Variants in ERBB4 observed in about 807,000 individuals in gnomAD.
ERBB4 encodes the protein erb-b2 receptor tyrosine kinase 4.
In ERBB4, 42 loss-of-function variants were observed where a neutral mutation model predicts 158.0. That is an observed-to-expected ratio of 0.27 (90% CI 0.21 to 0.34). The LOEUF (loss-of-function observed/expected upper bound fraction) is 0.34. Ranked by LOEUF, ERBB4 falls within the 10% of genes least tolerant of loss-of-function variation. The pLI is 1.00. For missense variants in ERBB4, 1,333 were observed against 1,624.1 expected, an observed-to-expected ratio of 0.82 and a Z score of 3.08; for synonymous variants, 583 against 558.7, an observed-to-expected ratio of 1.04 and a Z score of -0.61.
intron 19 of ERBB4, among the ~76,000 whole-genome samples, chr2:211,592,033 T>C (rs1316752889): frequency 3.3e-5 from 5 of 152,210 alleles, no homozygotes; most frequent in Non-Finnish European, 5.9e-5. Flanking sequence ...GATTTTCTTT[T>C]ATACTTTGGT....
At chr2:212,269,247 G>A (rs910209614) in intron 1 of ERBB4, among the ~76,000 whole-genome samples, 16 of 151,780 alleles carry the variant, frequency 1.1e-4, no homozygotes, top group African/African-American at 3.6e-4. Flanking sequence ...CTGACTACAC[G>A]TCCACCTTAA....
intron 2 of ERBB4, among the ~76,000 whole-genome samples, chr2:212,008,533 G>T (rs1199284951): frequency 6.6e-6 from 1 of 152,046 alleles, no homozygotes; most frequent in Non-Finnish European, 1.5e-5. Context: ...AATTTTGAAA[G>T]CGCTGCACAT....
At chr2:212,412,568 G>A (rs1173178655) in intron 1 of ERBB4, among the ~76,000 whole-genome samples, 1 of 152,186 alleles carries the variant, frequency 6.6e-6, no homozygotes, top group Non-Finnish European at 1.5e-5. Flanking sequence ...CTGCAGAACT[G>A]TGAACCAATT....
chr2:211,652,299 T>C (rs1197084774), intron 16 of ERBB4, among the ~76,000 whole-genome samples: 2 of 152,224 alleles, frequency 1.3e-5, no homozygotes, highest in African/African-American at 4.8e-5. Context: ...AAACTCTCTT[T>C]AATTCCAAAG....
intron 20 of ERBB4, among the ~76,000 whole-genome samples, chr2:211,553,175 G>A (rs887482066): frequency 6.6e-6 from 1 of 151,876 alleles, no homozygotes; most frequent in African/African-American, 2.4e-5. Context: ...CACCGTGTTG[G>A]CCAGGCTGGT....
At chr2:212,237,206 C>T (rs1235963003) in intron 1 of ERBB4, among the ~76,000 whole-genome samples, 3 of 152,256 alleles carry the variant, frequency 2.0e-5, no homozygotes, top group East Asian at 3.9e-4. Flanking sequence ...TCCTCATCTT[C>T]GTGGATTTAT....
chr2:212,461,295 G>T (rs1401554275), intron 1 of ERBB4, among the ~76,000 whole-genome samples: 1 of 152,166 alleles, frequency 6.6e-6, no homozygotes, highest in African/African-American at 2.4e-5. Flanking sequence ...CAGGAAGGAG[G>T]CTGTACCCTG....
chr2:211,624,033 T>C lies in ERBB4; in HGVS notation c.2091A>G (p.Pro697=), dbSNP rs1240736385. The C allele has an allele frequency of 2.5e-6, 4 of 1,614,142 alleles. No individual in the cohort carries two copies. Among genetic ancestry groups the C allele is most frequent in the Admixed American group, 1.7e-5 (1 of 60,018 alleles). ...RRFLETELVE[P]LTPSGTAPNQ... Reference sequence around the variant, plus strand: ...TGGGTGCTGTGCCACTGGGAGTTAATGGTTCCACCAACTGCAAAGCGGAAA... The same window carrying C: ...TGGGTGCTGTGCCACTGGGAGTTAACGGTTCCACCAACTGCAAAGCGGAAA... The change falls in exon 18 of 28, where the codon CCA becomes CCG. Residue 697 remains proline (P), a synonymous_variant. Coordinates refer to ENST00000342788, the MANE Select transcript of ERBB4 (RefSeq NM_005235.3).
At chr2:211,991,339 C>T (rs927429025) in intron 2 of ERBB4, among the ~76,000 whole-genome samples, 12 of 152,022 alleles carry the variant, frequency 7.9e-5, no homozygotes, top group African/African-American at 2.9e-4. Context: ...TGTATTTGTA[C>T]TGTATTTGAC....
intron 2 of ERBB4, among the ~76,000 whole-genome samples, chr2:211,990,789 G>C (rs1032804527): frequency 6.6e-6 from 1 of 151,768 alleles, no homozygotes. Flanking sequence ...AAGACAAAAC[G>C]TAAGAAGTAA....
At chr2:212,077,568 T>C (rs190750395) in intron 2 of ERBB4, among the ~76,000 whole-genome samples, 1 of 152,064 alleles carries the variant, frequency 6.6e-6, no homozygotes, top group East Asian at 1.9e-4. Context: ...ATCCAATTTA[T>C]ATAGATGTAA....
intron 1 of ERBB4, among the ~76,000 whole-genome samples, chr2:212,421,111 A>T (rs1391115035): frequency 6.6e-6 from 1 of 152,154 alleles, no homozygotes; most frequent in East Asian, 1.9e-4. Context: ...AACATAATTC[A>T]TCAACCACAT....
intron 3 of ERBB4, among the ~76,000 whole-genome samples, chr2:211,834,893 C>G (rs571198766): frequency 1.6e-4 from 24 of 152,102 alleles, no homozygotes; most frequent in African/African-American, 5.8e-4. Context: ...CCCAGGGGGA[C>G]CAAATTTCAA....
intron 16 of ERBB4, among the ~76,000 whole-genome samples, chr2:211,634,531 T>C (rs1164188010): frequency 6.6e-6 from 1 of 152,208 alleles, no homozygotes; most frequent in African/African-American, 2.4e-5. Context: ...TGAGAATTTA[T>C]GCTTAGCTCC....
chr2:212,466,457 G>A (rs1428834376), intron 1 of ERBB4, among the ~76,000 whole-genome samples: 1 of 152,074 alleles, frequency 6.6e-6, no homozygotes, highest in Non-Finnish European at 1.5e-5. Flanking sequence ...CACGGGAGTG[G>A]GTCTTTCCTG....
intron 3 of ERBB4, among the ~76,000 whole-genome samples, chr2:211,891,719 CG>C: frequency 7.2e-6 from 1 of 138,276 alleles, no homozygotes; most frequent in African/African-American, 2.9e-5. Context: ...AAATGATAAA[CG>C]GGATATCACC....
chr2:212,026,531 A>G (rs1260738498), intron 2 of ERBB4, among the ~76,000 whole-genome samples: 1 of 151,840 alleles, frequency 6.6e-6, no homozygotes, highest in African/African-American at 2.4e-5. Flanking sequence ...TTTAGCAGCC[A>G]CATTAATAGT....
At chr2:211,720,736 T>G (rs561989022) in intron 7 of ERBB4, among the ~76,000 whole-genome samples, 1 of 152,220 alleles carries the variant, frequency 6.6e-6, no homozygotes, top group African/African-American at 2.4e-5. Flanking sequence ...ATTTTCAGCA[T>G]AGAACAGTTT....
intron 2 of ERBB4, among the ~76,000 whole-genome samples, chr2:212,089,361 C>T (rs1416907416): frequency 1.3e-5 from 2 of 152,120 alleles, no homozygotes; most frequent in Non-Finnish European, 2.9e-5. Flanking sequence ...TTCTTCCTGG[C>T]TGAATTGCAC....
Sources: allele counts gnomAD v4.1 joint callset (sites outside exome capture counted in the v4.1 genomes callset), GRCh38; gene constraint gnomAD v4.1.1; transcripts MANE v1.5; gene names NCBI Gene and HGNC (gene_info 2026-07-23, HGNC 2026-07-21).